Variants in CTNNA2 observed in about 807,000 individuals in gnomAD.
CTNNA2 encodes the protein catenin alpha-2.
A neutral mutation model predicts 101.0 loss-of-function variants in CTNNA2; 42 were observed. The observed-to-expected ratio is 0.42, with a 90% CI of 0.32 to 0.54. CTNNA2 has a LOEUF of 0.54. Ranked by LOEUF, CTNNA2 falls within the 20% of genes least tolerant of loss-of-function variation. CTNNA2 has a pLI of 0.14. For missense variants in CTNNA2, 871 were observed against 1,223.1 expected, an observed-to-expected ratio of 0.71 and a Z score of 4.29; for synonymous variants, 450 against 456.4, an observed-to-expected ratio of 0.99 and a Z score of 0.18.
chr2:80,116,897 A>G (rs1167328655), intron 7 of CTNNA2, among the ~76,000 whole-genome samples: 2 of 93,242 alleles, frequency 2.1e-5, no homozygotes, highest in Admixed American at 2.5e-4. Flanking sequence ...AAAATAGAAG[A>G]AAATAGTGTG....
chr2:80,305,003 G>A (rs1676783993), intron 7 of CTNNA2: 8 of 933,464 alleles, frequency 8.6e-6, no homozygotes, highest in Non-Finnish European at 1.0e-5. Context: ...AAACTGAAAT[G>A]TTCTGTGCTC....
chr2:80,288,122 C>G lies in CTNNA2; in HGVS notation c.1057-105089C>G, dbSNP rs562959506. On this transcript the variant is annotated intron_variant, in intron 7 of 18. Coordinates refer to ENST00000402739, the MANE Select transcript of CTNNA2 (RefSeq NM_001282597.3). ...GCTGCCCAGGGTCCTCTGGTGATAGCATTCCAAGTGGGGGACATTCAACTG... is the reference window on the plus strand; with the variant it reads ...GCTGCCCAGGGTCCTCTGGTGATAGGATTCCAAGTGGGGGACATTCAACTG... 1.2e-4 allele frequency among the ~76,000 whole-genome samples: 19 copies of G among 152,268 alleles called. No individual in the cohort carries two copies. In the South Asian group the frequency reaches 1.7e-3, roughly 13 times the overall value.
chr2:80,202,331 C>T (rs970429239), intron 7 of CTNNA2, among the ~76,000 whole-genome samples: 4 of 152,132 alleles, frequency 2.6e-5, no homozygotes, highest in East Asian at 3.9e-4. Flanking sequence ...AAGGAGAGGC[C>T]GACACATAAA....
At chr2:80,620,283 T>G (rs1241576740) in intron 18 of CTNNA2, among the ~76,000 whole-genome samples, 1 of 151,424 alleles carries the variant, frequency 6.6e-6, no homozygotes, top group African/African-American at 2.4e-5. Context: ...CATCCCTGGT[T>G]GGCTAGCCAT....
intron 3 of CTNNA2, among the ~76,000 whole-genome samples, chr2:79,823,878 T>G (rs1453116497): frequency 6.6e-6 from 1 of 152,200 alleles, no homozygotes; most frequent in African/African-American, 2.4e-5. Flanking sequence ...CTTGGTTTTA[T>G]GTTTAGTCTT....
intron 1 of CTNNA2, among the ~76,000 whole-genome samples, chr2:79,555,092 C>T (rs1674360678): frequency 6.6e-6 from 1 of 152,182 alleles, no homozygotes; most frequent in African/African-American, 2.4e-5. Flanking sequence ...GAGTCTAGCA[C>T]TCTTTTTGCC....
intron 9 of CTNNA2, among the ~76,000 whole-genome samples, chr2:80,528,684 T>A (rs551489703): frequency 2.2e-4 from 34 of 151,854 alleles, no homozygotes; most frequent in South Asian, 2.1e-3. Context: ...ACCAAAAAAA[T>A]AAATAAATAA....
chr2:79,865,982 G>A, intron 4 of CTNNA2, among the ~76,000 whole-genome samples: 1 of 152,252 alleles, frequency 6.6e-6, no homozygotes, highest in Non-Finnish European at 1.5e-5. Context: ...GCCTCCCGAA[G>A]TGCTGGGATT....
At chr2:80,079,579 T>C (rs950007561) in intron 7 of CTNNA2, among the ~76,000 whole-genome samples, 35 of 152,090 alleles carry the variant, frequency 2.3e-4, no homozygotes, top group African/African-American at 8.2e-4. Flanking sequence ...CTTTGGAGGC[T>C]GAGGCGGGCA....
chr2:80,338,150 G>A (rs552406813), intron 7 of CTNNA2, among the ~76,000 whole-genome samples: 2 of 152,022 alleles, frequency 1.3e-5, no homozygotes, highest in African/African-American at 2.4e-5. Context: ...CACCACGCCC[G>A]GCTAATTTTT....
rs554128612 is a variant in CTNNA2 at position 79,944,587 on chromosome 2, G to A, written c.1056+34790G>A. Among the ~76,000 whole-genome samples, 7 of 151,964 alleles carry A rather than the reference G, an allele frequency of 4.6e-5. No individual in the cohort carries two copies. The South Asian group carries it at 1.3e-3, about 27-fold the overall frequency. ...GTGACCACAAAGTACAGTGCAGTGT[G>A]GAGCGGGGTGGGGGTAGGGACCTGG... On this transcript the variant is annotated intron_variant, in intron 7 of 18. Coordinates refer to ENST00000402739, the MANE Select transcript of CTNNA2 (RefSeq NM_001282597.3).
At chr2:79,904,582 A>T (rs1180026119) in intron 6 of CTNNA2, among the ~76,000 whole-genome samples, 1 of 152,212 alleles carries the variant, frequency 6.6e-6, no homozygotes, top group Non-Finnish European at 1.5e-5. Flanking sequence ...CCTGTGCTCA[A>T]ATCCTGGTGA....
chr2:79,807,126 A>G (rs927254599), intron 3 of CTNNA2, among the ~76,000 whole-genome samples: 5 of 151,968 alleles, frequency 3.3e-5, no homozygotes, highest in Non-Finnish European at 7.4e-5. Flanking sequence ...TCTCACTTTG[A>G]TCCCTTAAGA....
At position 80,306,400 on chromosome 2, in the gene CTNNA2, T is replaced by TTTCTTTC. The variant is rs201581568; in HGVS notation, c.1057-86809_1057-86808insCTTTCTT. Among the ~76,000 whole-genome samples, 486 of 109,248 alleles carry TTTCTTTC rather than the reference T, an allele frequency of 4.4e-3. 3 individuals are homozygous for TTTCTTTC. Among genetic ancestry groups the TTTCTTTC allele is most frequent in the East Asian group, 9.3e-3 (34 of 3,672 alleles). 71.7% of individuals were successfully genotyped at this position (109,248 alleles called of 152,430 possible). The stretch of plus-strand genomic sequence containing the variant: ...CTTTCTTTTCTTTTCTTTTCTTTTC[T>TTTCTTTC]TTTCTTTCTTTCTTTCTTTCTTTCT... On this transcript the variant is annotated intron_variant, in intron 7 of 18. Coordinates refer to ENST00000402739, the MANE Select transcript of CTNNA2 (RefSeq NM_001282597.3).
chr2:80,377,379 G>A (rs1180390114), intron 7 of CTNNA2, among the ~76,000 whole-genome samples: 1 of 152,218 alleles, frequency 6.6e-6, no homozygotes, highest in African/African-American at 2.4e-5. Context: ...GCTAGACTCA[G>A]AGATAGACAT....
At chr2:80,215,083 C>G (rs183230491) in intron 7 of CTNNA2, among the ~76,000 whole-genome samples, 1 of 152,224 alleles carries the variant, frequency 6.6e-6, no homozygotes, top group East Asian at 1.9e-4. Flanking sequence ...TCACATAGTT[C>G]TCGTGCCATG....
At chr2:80,623,177 C>T (rs1430415858) in intron 18 of CTNNA2, among the ~76,000 whole-genome samples, 1 of 151,224 alleles carries the variant, frequency 6.6e-6, no homozygotes, top group Non-Finnish European at 1.5e-5. Context: ...AGAAATAAAG[C>T]ATCAGTCAGA....
intron 7 of CTNNA2, among the ~76,000 whole-genome samples, chr2:80,068,093 C>T (rs1186437889): frequency 3.3e-5 from 5 of 152,120 alleles, no homozygotes; most frequent in Admixed American, 1.3e-4. Flanking sequence ...TGATAAATAA[C>T]GAATATGCTT....
intron 7 of CTNNA2, among the ~76,000 whole-genome samples, chr2:79,938,748 C>T (rs1227999023): frequency 6.6e-6 from 1 of 152,016 alleles, no homozygotes. Context: ...CACTTTAGGG[C>T]ACAATGTGTA....
Sources: allele counts gnomAD v4.1 joint callset (sites outside exome capture counted in the v4.1 genomes callset), GRCh38; gene constraint gnomAD v4.1.1; transcripts MANE v1.5; gene names NCBI Gene and HGNC (gene_info 2026-07-23, HGNC 2026-07-21).